RNF187: variants seen among roughly 807,000 people sequenced by gnomAD.
RNF187 encodes E3 ubiquitin-protein ligase RNF187.
RNF187 carries 18 observed loss-of-function variants against 22.2 expected under a neutral mutation model. The ratio of observed to expected loss-of-function variants is 0.81; its 90% CI spans 0.56 to 1.20. The LOEUF (loss-of-function observed/expected upper bound fraction) is 1.20, where lower values mean the gene tolerates loss of function less well. Ranked by LOEUF, RNF187 falls within the 50% of genes most tolerant of loss-of-function variation. The pLI, the probability that RNF187 is intolerant of heterozygous loss-of-function variation, is 0.00. For synonymous variants in RNF187, 164 were observed against 140.9 expected, an observed-to-expected ratio of 1.16 and a Z score of -1.16; for missense variants, 329 against 317.6, an observed-to-expected ratio of 1.04 and a Z score of -0.27.
intron 2 of RNF187, among the ~76,000 whole-genome samples, chr1:228,489,303 C>T: frequency 6.6e-6 from 1 of 152,116 alleles, no homozygotes; most frequent in African/African-American, 2.4e-5. Context: ...GTGATGGCAG[C>T]ATCAGACTTC....
In RNF187 at chr1:228,494,123, C is replaced by T; in HGVS notation, c.*238C>T. On this transcript the variant is annotated 3_prime_UTR_variant, in exon 4 of 4. Coordinates refer to ENST00000305943, the MANE Select transcript of RNF187 (RefSeq NM_001010858.3). ...AGGACCCTTCCCACCTGTGCCCGTC[C>T]CTTCCTGAAGTCCTAGCCACAGCCC... 9 of 1,437,920 alleles carry T rather than the reference C, an allele frequency of 6.3e-6. No individual in the cohort carries two copies. The highest frequency in any genetic ancestry group is 8.2e-6 in the Non-Finnish European group (9 of 1,097,030). 89.1% of individuals were successfully genotyped at this position (1,437,920 alleles called of 1,614,324 possible).
Position 228,495,703 on chromosome 1 carries a change from A to G in RNF187, c.*1818A>G. 1 of 985,624 alleles carries G rather than the reference A, an allele frequency of 1.0e-6. No homozygotes were observed. The highest frequency in any genetic ancestry group is 1.2e-6 in the Non-Finnish European group (1 of 829,942). The allele number at this position is 985,624 out of a possible 1,614,324, so 61.1% of individuals were successfully genotyped here. On this transcript the variant is annotated 3_prime_UTR_variant, in exon 4 of 4. Transcript: ENST00000305943. ...TCACCTAACCTAGCTGACCAGCAACATCCCACCCTGTCAATCACAACCTCT... is the reference window on the plus strand; with the variant it reads ...TCACCTAACCTAGCTGACCAGCAACGTCCCACCCTGTCAATCACAACCTCT...
intron 2 of RNF187, 68 bp downstream of exon 2, chr1:228,489,120 C>A: frequency 7.4e-7 from 1 of 1,357,662 alleles, no homozygotes; most frequent in Non-Finnish European, 1.0e-6. Context: ...GACAAAGGGA[C>A]CACCAGGCCA....
chr1:228,489,636 C>T, intron 2 of RNF187, among the ~76,000 whole-genome samples: 1 of 152,014 alleles, frequency 6.6e-6, no homozygotes, highest in Non-Finnish European at 1.5e-5. Flanking sequence ...CTGAGAGTTG[C>T]TCATTATTTT....
In RNF187 at chr1:228,493,128, G is replaced by T; in HGVS notation, c.559G>T (p.Glu187Ter). ...GCGGGCCTTCTTTGTGGAGGAGGAG[G>T]AGCATTTCCTGCAGGAGGCTGAGAA... The change falls in exon 3 of 4, where the codon GAG (glutamate) becomes TAG (stop). Residue 187 changes from glutamate (E) to a stop codon, truncating the protein, a stop_gained. Transcript: ENST00000305943. LOFTEE classifies it high-confidence loss of function. This position sits in a 1 kb window ranked among gnomAD's most constrained non-coding sequence, Gnocchi z 4.7. The T allele has an allele frequency of 1.3e-6, 2 of 1,551,734 alleles. No individual in the cohort carries two copies. Among genetic ancestry groups the T allele is most frequent in the South Asian group, 1.2e-5 (1 of 84,052 alleles).
intron 1 of RNF187, 40 bp downstream of exon 1, chr1:228,487,918 C>A: frequency 8.8e-7 from 1 of 1,132,444 alleles, no homozygotes; most frequent in Non-Finnish European, 1.1e-6. Flanking sequence ...CCGGACGGTG[C>A]CCTGCGCCTC....
chr1:228,487,981 T>G, intron 1 of RNF187, 103 bp downstream of exon 1: 7 of 728,008 alleles, frequency 9.6e-6, no homozygotes, highest in Non-Finnish European at 1.2e-5. Context: ...TCTCCACTGT[T>G]CCTGTCCCCG....
chr1:228,495,208 G>C lies in RNF187; in HGVS notation c.*1323G>C. 1 of 260,888 alleles carries C rather than the reference G, an allele frequency of 3.8e-6. No individual in the cohort carries two copies. The highest frequency in any genetic ancestry group is 6.0e-6 in the Non-Finnish European group (1 of 167,654). The allele number at this position is 260,888 out of a possible 1,614,324, so 16.2% of individuals were successfully genotyped here. A position where few individuals can be genotyped will look rare whatever the true frequency, so the allele number is the denominator to read the frequency against. On this transcript the variant is annotated 3_prime_UTR_variant, in exon 4 of 4. Coordinates refer to ENST00000305943, the MANE Select transcript of RNF187 (RefSeq NM_001010858.3). ...AGGAGCAGTATAGGGTCCATGGGTG[G>C]GAATGACTGTGAGGAGACATCAGGG...
intron 2 of RNF187, among the ~76,000 whole-genome samples, chr1:228,490,809 G>A: frequency 0.87 from 132,591 of 152,236 alleles, 57,920 homozygotes; most frequent in East Asian, 1. Context: ...TGTGAATGCT[G>A]TTTGTTGAAG....
chr1:228,491,656 T>C, intron 2 of RNF187, among the ~76,000 whole-genome samples: 1 of 152,020 alleles, frequency 6.6e-6, no homozygotes, highest in Non-Finnish European at 1.5e-5. Context: ...GCCAGGCTGG[T>C]CTTGAACTCC....
chr1:228,493,787 C>T lies in RNF187; in HGVS notation c.706-96C>T. 2 of 1,324,420 alleles carry T rather than the reference C, an allele frequency of 1.5e-6. No homozygotes were observed. The highest frequency in any genetic ancestry group is 2.5e-5 in the South Asian group (2 of 79,496). The allele number at this position is 1,324,420 out of a possible 1,614,324, so 82.0% of individuals were successfully genotyped here. On this transcript the variant is annotated intron_variant, in intron 3 of 3. Coordinates refer to ENST00000305943, the MANE Select transcript of RNF187 (RefSeq NM_001010858.3). The surrounding 1 kb of genome is among the most constrained non-coding windows in gnomAD (Gnocchi z 4.7). ...TACCTCATGCGCTGTCTCATGTGCG[C>T]TCTCTCTTTCGCTCTCTCCTTTTGC...
Position 228,494,301 on chromosome 1 carries a change from T to A in RNF187, c.*416T>A. ...TGAGGTGCACCATTGAGTGTCGGAT[T>A]TGGGGTTAGCATCCAGAAAGAAGAA... On this transcript the variant is annotated 3_prime_UTR_variant, in exon 4 of 4. Coordinates refer to ENST00000305943, the MANE Select transcript of RNF187 (RefSeq NM_001010858.3). The A allele has an allele frequency of 9.1e-7, 1 of 1,102,414 alleles. No individual in the cohort carries two copies. The highest frequency in any genetic ancestry group is 1.1e-6 in the Non-Finnish European group (1 of 898,676). 68.3% of individuals were successfully genotyped at this position (1,102,414 alleles called of 1,614,324 possible). A position where few individuals can be genotyped will look rare whatever the true frequency, so the allele number is the denominator to read the frequency against.
chr1:228,493,269 C>T lies in RNF187; in HGVS notation c.700C>T (p.Leu234=). 6.5e-7 allele frequency: 1 copy of T among 1,549,620 alleles called. No individual in the cohort carries two copies. The highest frequency in any genetic ancestry group is 8.7e-7 in the Non-Finnish European group (1 of 1,146,564). The change falls in exon 3 of 4, where the codon CTG becomes TTG. Residue 234 remains leucine (L), a synonymous_variant. Transcript: ENST00000305943. This position sits in a 1 kb window ranked among gnomAD's most constrained non-coding sequence, Gnocchi z 4.7. ...TCGCAACCTGGGCCTCAGCATGCTG[C>T]TGCAGGTGCGGGAGCCCCGCTGGGT...
Position 228,493,897 on chromosome 1 carries a change from C to A in RNF187, c.*12C>A. 1 of 1,551,748 alleles carries A rather than the reference C, an allele frequency of 6.4e-7. No individual in the cohort carries two copies. Among genetic ancestry groups the A allele is most frequent in the Non-Finnish European group, 8.7e-7 (1 of 1,146,994 alleles). On this transcript the variant is annotated 3_prime_UTR_variant, in exon 4 of 4. Coordinates refer to ENST00000305943, the MANE Select transcript of RNF187 (RefSeq NM_001010858.3). The surrounding 1 kb of genome is among the most constrained non-coding windows in gnomAD (Gnocchi z 4.7). ...CTCCCATGCAGTGATGGCGCCAACCCGTGGCAGTCCCAGAGCTGGAGGCAG... is the reference window on the plus strand; with the variant it reads ...CTCCCATGCAGTGATGGCGCCAACCAGTGGCAGTCCCAGAGCTGGAGGCAG...
intron 1 of RNF187, 21 bp from the exon 2 acceptor site, chr1:228,488,939 G>C: frequency 6.5e-7 from 1 of 1,547,928 alleles, no homozygotes; most frequent in Non-Finnish European, 8.7e-7. Context: ...CCCACCCCTG[G>C]TGACCTTCTT....
chr1:228,487,996 G>A, intron 1 of RNF187, 118 bp downstream of exon 1: 1 of 607,076 alleles, frequency 1.6e-6, no homozygotes, highest in Non-Finnish European at 2.1e-6. Context: ...TCCCCGGATT[G>A]TCCCCGTCCC....
chr1:228,489,096 G>A, intron 2 of RNF187, 44 bp downstream of exon 2: 1 of 1,477,266 alleles, frequency 6.8e-7, no homozygotes, highest in Non-Finnish European at 9.2e-7. Flanking sequence ...GGGGACTGTG[G>A]GCTCAGGGCT....
In RNF187 at chr1:228,489,333, C is replaced by T; in HGVS notation, c.483+281C>T. On this transcript the variant is annotated intron_variant, in intron 2 of 3. Transcript: ENST00000305943. ...GACTTCTTTTTTTTTTCCCAAGAGA[C>T]AGAGTCTCACTTCATTACCCAGGCT... Among the ~76,000 whole-genome samples, 34 of 152,024 alleles carry T rather than the reference C, an allele frequency of 2.2e-4. No individual in the cohort carries two copies. The South Asian group carries it at 7.1e-3, about 32-fold the overall frequency.
chr1:228,496,173 A>T lies in RNF187; in HGVS notation c.*2288A>T. 0.016 allele frequency among the ~76,000 whole-genome samples: 2,423 copies of T among 152,304 alleles called. 75 individuals are homozygous for T. The highest frequency in any genetic ancestry group is 0.055 in the African/African-American group (2,293 of 41,548). The stretch of plus-strand genomic sequence containing the variant: ...TTCTACTCTCTAATTCTATAAATCA[A>T]CATTTTGATTCCACATATAAGTGAG... On this transcript the variant is annotated 3_prime_UTR_variant, in exon 4 of 4. Coordinates refer to ENST00000305943, the MANE Select transcript of RNF187 (RefSeq NM_001010858.3).
Sources: gnomAD v4.1 joint callset for allele counts (sites outside exome capture counted in the v4.1 genomes callset) on GRCh38, gnomAD v4.1.1 for gene constraint, Gnocchi (gnomAD v3.1) non-coding constraint, MANE v1.5 for transcripts, NCBI Gene and HGNC (gene_info 2026-07-23, HGNC 2026-07-21) for gene names.